The following GRIK2 variants were observed in gnomAD, a reference collection of about 807,000 sequenced individuals.
The protein encoded by GRIK2 is glutamate receptor ionotropic, kainate 2.
Under a neutral mutation model 100.3 loss-of-function variants are expected in GRIK2, and 32 were observed. The observed-to-expected ratio is 0.32, with a 90% confidence interval of 0.24 to 0.43. The LOEUF (loss-of-function observed/expected upper bound fraction) is 0.43. GRIK2 is among the 20% of genes least tolerant of loss of function. The probability of loss-of-function intolerance (pLI) is 1.00; values close to 1 mark genes in which losing one functional copy is unlikely to be tolerated. For synonymous variants in GRIK2, 417 were observed against 389.4 expected, an observed-to-expected ratio of 1.07 and a Z score of -0.83; for missense variants, 843 against 1,114.9, an observed-to-expected ratio of 0.76 and a Z score of 3.47.
At chr6:101,524,936 T>C (rs1000334794) in intron 2 of GRIK2, among the ~76,000 whole-genome samples, 1 of 152,092 alleles carries the variant, frequency 6.6e-6, no homozygotes, top group Non-Finnish European at 1.5e-5. Flanking sequence ...TTTCCCCATG[T>C]TGGCCAAGCT....
intron 7 of GRIK2, among the ~76,000 whole-genome samples, chr6:101,700,359 A>G (rs969854134): frequency 5.9e-5 from 9 of 152,070 alleles, no homozygotes; most frequent in African/African-American, 1.9e-4. Flanking sequence ...TAGGGCTCAA[A>G]CTGAATCTCA....
chr6:101,825,310 T>G (rs1324716041), intron 10 of GRIK2, among the ~76,000 whole-genome samples: 1 of 152,180 alleles, frequency 6.6e-6, no homozygotes, highest in African/African-American at 2.4e-5. Flanking sequence ...TTTCTCTCTT[T>G]CATTCTTGCT....
chr6:101,423,141 A>G (rs1776500451), intron 2 of GRIK2, among the ~76,000 whole-genome samples: 1 of 152,000 alleles, frequency 6.6e-6, no homozygotes, highest in African/African-American at 2.4e-5. Context: ...CTATCCATCC[A>G]CCCCCATTCA....
At chr6:101,899,098 T>TG in intron 12 of GRIK2, among the ~76,000 whole-genome samples, 1 of 148,690 alleles carries the variant, frequency 6.7e-6, no homozygotes, top group African/African-American at 2.5e-5. Flanking sequence ...TTTTTGTTGT[T>TG]TTTGTTTTTT....
At chr6:101,505,448 G>T (rs1047532825) in intron 2 of GRIK2, among the ~76,000 whole-genome samples, 1 of 152,080 alleles carries the variant, frequency 6.6e-6, no homozygotes, top group Non-Finnish European at 1.5e-5. Flanking sequence ...AATGTTTCAG[G>T]TGTCAGTGGC....
intron 7 of GRIK2, among the ~76,000 whole-genome samples, chr6:101,727,627 G>GA (rs1277841848): frequency 6.6e-6 from 1 of 152,042 alleles, no homozygotes; most frequent in Non-Finnish European, 1.5e-5. Context: ...TTTCCTGTGA[G>GA]AAAAATGGAG....
At chr6:101,967,622 A>T (rs1165649434) in intron 14 of GRIK2, among the ~76,000 whole-genome samples, 2 of 152,074 alleles carry the variant, frequency 1.3e-5, no homozygotes, top group Non-Finnish European at 2.9e-5. Context: ...AGTGAACACG[A>T]AAACCCAACC....
At chr6:101,705,617 TAAAG>T (rs1179119442) in intron 7 of GRIK2, among the ~76,000 whole-genome samples, 3 of 151,830 alleles carry the variant, frequency 2.0e-5, no homozygotes, top group African/African-American at 7.2e-5. Context: ...TTCCTGAAAT[TAAAG>T]GAAACATGCA....
chr6:101,452,308 A>C (rs919621602), intron 2 of GRIK2, among the ~76,000 whole-genome samples: 3 of 151,936 alleles, frequency 2.0e-5, no homozygotes, highest in Middle Eastern at 3.4e-3. Context: ...ATAACACTTT[A>C]AGAATAACTT....
chr6:101,863,116 T>C (rs1217677097), intron 11 of GRIK2, among the ~76,000 whole-genome samples: 1 of 152,182 alleles, frequency 6.6e-6, no homozygotes, highest in Non-Finnish European at 1.5e-5. Context: ...ACCGCCCATG[T>C]AGCTCATACG....
Position 101,820,146 on chromosome 6 carries a change from A to G in GRIK2, c.1317+1663A>G, listed in dbSNP as rs575593841. Among the ~76,000 whole-genome samples the G allele has an allele frequency of 1.6e-4, 24 of 152,306 alleles. No individual in the cohort carries two copies. In the East Asian group the frequency reaches 4.6e-3, roughly 29 times the overall value. On this transcript the variant is annotated intron_variant, in intron 10 of 16. Transcript: ENST00000369134. ...ATATGCTTATCTCAATTTCTGAGAT[A>G]TAGTATTCATCAGTAATATATGACT...
At chr6:101,462,585 C>T (rs554913899) in intron 2 of GRIK2, among the ~76,000 whole-genome samples, 102 of 151,414 alleles carry the variant, frequency 6.7e-4, no homozygotes, top group African/African-American at 2.5e-3. Flanking sequence ...ATTAGATTTC[C>T]TATTAGTATC....
chr6:101,860,217 T>C (rs1784658366), intron 11 of GRIK2, among the ~76,000 whole-genome samples: 1 of 152,110 alleles, frequency 6.6e-6, no homozygotes, highest in African/African-American at 2.4e-5. Flanking sequence ...TTTATAAATT[T>C]AGAAGAGGAG....
chr6:101,675,336 CAGAG>C (rs57826527), intron 4 of GRIK2, among the ~76,000 whole-genome samples: 14,494 of 143,388 alleles, frequency 0.1, 2,269 homozygotes, highest in African/African-American at 0.34. Flanking sequence ...ACTCGAGAAA[CAGAG>C]AGAAGGAAAA....
intron 13 of GRIK2, among the ~76,000 whole-genome samples, chr6:101,926,962 G>A (rs1461713968): frequency 2.0e-5 from 3 of 152,156 alleles, no homozygotes; most frequent in African/African-American, 7.2e-5. Flanking sequence ...CACAAAAAAA[G>A]CAAAATAGGC....
In GRIK2 at chr6:101,767,888, G is replaced by T. The variant is rs1778135139; in HGVS notation, c.952-31760G>T. Among the ~76,000 whole-genome samples, 3 of 151,694 alleles carry T rather than the reference G, an allele frequency of 2.0e-5. No homozygotes were observed. In the South Asian group the frequency reaches 6.2e-4, roughly 31 times the overall value. ...TTTATTTTTTTTTGAAACAGGGTCT[G>T]CCTCTGTCACCCAGGCCGGAGTGCA... On this transcript the variant is annotated intron_variant, in intron 7 of 16. Coordinates refer to ENST00000369134, the MANE Select transcript of GRIK2 (RefSeq NM_021956.5).
intron 7 of GRIK2, among the ~76,000 whole-genome samples, chr6:101,797,909 C>T (rs554284919): frequency 6.7e-6 from 1 of 150,174 alleles, no homozygotes; most frequent in East Asian, 1.9e-4. Context: ...TTTAACACAA[C>T]ACCATTTAAG....
chr6:101,707,072 T>C (rs1171669121), intron 7 of GRIK2, among the ~76,000 whole-genome samples: 1 of 151,874 alleles, frequency 6.6e-6, no homozygotes, highest in Non-Finnish European at 1.5e-5. Context: ...AGAATGAAGA[T>C]GGATTCTGTG....
At chr6:101,630,839 C>T (rs1026213940) in intron 4 of GRIK2, among the ~76,000 whole-genome samples, 3 of 151,358 alleles carry the variant, frequency 2.0e-5, no homozygotes, top group African/African-American at 4.9e-5. Flanking sequence ...CTGCAAAACA[C>T]ACATGTGCTT....
Sources: gnomAD v4.1 joint callset for allele counts (sites outside exome capture counted in the v4.1 genomes callset) on GRCh38, gnomAD v4.1.1 for gene constraint, MANE v1.5 for transcripts, NCBI Gene and HGNC (gene_info 2026-07-23, HGNC 2026-07-21) for gene names.